Variants in COL24A1 observed in about 807,000 individuals in gnomAD.
The protein encoded by COL24A1 is collagen type XXIV alpha 1 chain.
Under a neutral mutation model 253.9 loss-of-function variants are expected in COL24A1, and 224 were observed. The observed-to-expected ratio is 0.88, with a 90% CI of 0.79 to 0.99. COL24A1 has a LOEUF of 0.99. COL24A1 is among the 50% of genes least tolerant of loss of function. The pLI is 0.00. For missense variants in COL24A1, 2,131 were observed against 2,068.5 expected, an observed-to-expected ratio of 1.03 and a Z score of -0.59; for synonymous variants, 685 against 673.7, an observed-to-expected ratio of 1.02 and a Z score of -0.26.
At chr1:86,091,911 T>A (rs1703517036) in intron 6 of COL24A1, among the ~76,000 whole-genome samples, 1 of 152,104 alleles carries the variant, frequency 6.6e-6, no homozygotes, top group Non-Finnish European at 1.5e-5. Context: ...AATATGTAAA[T>A]TGGCATTACA....
At chr1:85,941,579 G>A (rs1273079967) in intron 24 of COL24A1, among the ~76,000 whole-genome samples, 2 of 152,044 alleles carry the variant, frequency 1.3e-5, no homozygotes, top group Non-Finnish European at 1.5e-5. Context: ...CAGTTATTTA[G>A]AGGGTATTTA....
At chr1:86,082,122 G>T (rs1420901719) in intron 7 of COL24A1, among the ~76,000 whole-genome samples, 5 of 132,112 alleles carry the variant, frequency 3.8e-5, no homozygotes, top group Non-Finnish European at 6.7e-5. Context: ...AAATGTAGAA[G>T]CATATCTCTC....
intron 32 of COL24A1, among the ~76,000 whole-genome samples, chr1:85,880,309 A>T (rs12740836): frequency 0.2 from 29,979 of 152,046 alleles, 3,330 homozygotes; most frequent in Non-Finnish European, 0.24. Context: ...TTAAATTCCA[A>T]TTGCTCATTG....
chr1:85,826,906 A>G (rs1325966868), intron 43 of COL24A1, among the ~76,000 whole-genome samples: 1 of 152,162 alleles, frequency 6.6e-6, no homozygotes, highest in East Asian at 1.9e-4. Flanking sequence ...TCCTAACTGA[A>G]TACCCTTTAT....
At chr1:86,078,977 C>T (rs1433571064) in intron 7 of COL24A1, among the ~76,000 whole-genome samples, 1 of 151,992 alleles carries the variant, frequency 6.6e-6, no homozygotes, top group Non-Finnish European at 1.5e-5. Context: ...TGTGGAACCA[C>T]AAAAACCCAG....
chr1:85,730,835 G>A, intron 59 of COL24A1, 143 bp from the exon 60 acceptor site: 1 of 774,508 alleles, frequency 1.3e-6, no homozygotes, highest in Non-Finnish European at 2.0e-6. Flanking sequence ...CTCAATAAAT[G>A]GTAAAATTAC....
intron 24 of COL24A1, among the ~76,000 whole-genome samples, chr1:85,911,731 TA>T (rs1300826057): frequency 3.3e-5 from 5 of 152,156 alleles, no homozygotes; most frequent in Non-Finnish European, 5.9e-5. Context: ...CTAGATTTTA[TA>T]AAACCCCTGA....
chr1:85,970,256 T>G lies in COL24A1; in HGVS notation c.2434A>C (p.Ile812Leu). The stretch of plus-strand genomic sequence containing the variant: ...GGCCCCAGTTCCCCAAAGGCTCCAA[T>G]TGGTCCTTCTTCTCCCTTAAAAAAA... ...LKGTQGEEGP[I>L]GAFGELGPRG... Residue 812 changes from isoleucine (I) to leucine (L), a missense_variant, in exon 22 of 60, where the codon ATT (isoleucine) becomes CTT (leucine). Physicochemically the swap from Ile to Leu is conservative, Grantham distance 5. Coordinates refer to ENST00000370571, the MANE Select transcript of COL24A1 (RefSeq NM_152890.7). 2 of 1,597,816 alleles carry G rather than the reference T, an allele frequency of 1.3e-6. No homozygotes were observed. The highest frequency in any genetic ancestry group is 1.7e-6 in the Non-Finnish European group (2 of 1,173,046).
chr1:85,741,774 T>A (rs1355221487), intron 57 of COL24A1, among the ~76,000 whole-genome samples: 1 of 152,252 alleles, frequency 6.6e-6, no homozygotes, highest in African/African-American at 2.4e-5. Context: ...ATGAATTATG[T>A]GCTTCGTTAC....
chr1:85,889,633 A>G lies in COL24A1; in HGVS notation c.2923-20T>C. 2 of 1,609,234 alleles carry G rather than the reference A, an allele frequency of 1.2e-6. No individual in the cohort carries two copies. Among genetic ancestry groups the G allele is most frequent in the Non-Finnish European group, 1.7e-6 (2 of 1,176,170 alleles). On this transcript the variant is annotated intron_variant, in intron 31 of 59. Transcript: ENST00000370571. ...TAAACCCTGGACAAATAAAGGCAAT[A>G]CTTGTAGGAAAAGTGGTGTGTGAAG...
chr1:86,117,577 T>C (rs943042221), intron 3 of COL24A1, among the ~76,000 whole-genome samples: 8 of 152,246 alleles, frequency 5.3e-5, no homozygotes, highest in African/African-American at 1.7e-4. Flanking sequence ...TGTCATGATA[T>C]AAATATTTGA....
At chr1:85,987,921 C>A (rs535646206) in intron 19 of COL24A1, among the ~76,000 whole-genome samples, 16 of 151,854 alleles carry the variant, frequency 1.1e-4, no homozygotes, top group African/African-American at 3.6e-4. Flanking sequence ...AGTCTCAGTC[C>A]AAAATTATCC....
In COL24A1 at chr1:85,876,993, GT is replaced by G. The variant is rs202079559; in HGVS notation, c.3030+128del. On this transcript the variant is annotated intron_variant, in intron 33 of 59. Coordinates refer to ENST00000370571, the MANE Select transcript of COL24A1 (RefSeq NM_152890.7). ...CATCTCTGCTTTTAATGGAATTTTA[GT>G]TTTTTTCTGAATATGAAACAATACT... The G allele has an allele frequency of 4.1e-5, 24 of 589,126 alleles. No homozygotes were observed. The South Asian group carries it at 5.3e-4, about 13-fold the overall frequency. 36.5% of individuals were successfully genotyped at this position (589,126 alleles called of 1,614,324 possible).
chr1:86,106,367 T>A (rs1405168027), intron 5 of COL24A1, among the ~76,000 whole-genome samples: 1 of 152,084 alleles, frequency 6.6e-6, no homozygotes, highest in Non-Finnish European at 1.5e-5. Flanking sequence ...TAAGGCTAGA[T>A]GTTTTCATTT....
chr1:86,060,521 G>A (rs1395524695), intron 8 of COL24A1, among the ~76,000 whole-genome samples: 4 of 152,006 alleles, frequency 2.6e-5, no homozygotes, highest in Non-Finnish European at 5.9e-5. Context: ...AACAGACCAA[G>A]GAAATGAAAA....
chr1:85,916,513 A>C (rs1003599438), intron 24 of COL24A1, among the ~76,000 whole-genome samples: 2 of 152,094 alleles, frequency 1.3e-5, no homozygotes, highest in African/African-American at 4.8e-5. Context: ...CTCTATAAAT[A>C]ATCTATACAT....
At chr1:86,119,926 A>G (rs1256091408) in intron 3 of COL24A1, among the ~76,000 whole-genome samples, 2 of 152,234 alleles carry the variant, frequency 1.3e-5, no homozygotes. Context: ...ACAGCATGGT[A>G]CTGGTACCAA....
At chr1:86,059,979 G>T (rs562571134) in intron 8 of COL24A1, among the ~76,000 whole-genome samples, 1 of 152,108 alleles carries the variant, frequency 6.6e-6, no homozygotes, top group Non-Finnish European at 1.5e-5. Context: ...AGAAATTTCT[G>T]TTGTTTATAA....
chr1:86,084,885 T>C (rs1702944096), intron 7 of COL24A1, among the ~76,000 whole-genome samples: 1 of 152,094 alleles, frequency 6.6e-6, no homozygotes, highest in Non-Finnish European at 1.5e-5. Flanking sequence ...GTAACAGTGG[T>C]GGCAGCACAA....
Sources: gnomAD v4.1 joint callset for allele counts (sites outside exome capture counted in the v4.1 genomes callset) on GRCh38, gnomAD v4.1.1 for gene constraint, MANE v1.5 for transcripts, NCBI Gene and HGNC (gene_info 2026-07-23, HGNC 2026-07-21) for gene names.